The following B4GALT7 variants were observed in gnomAD, a reference collection of about 807,000 sequenced individuals.
B4GALT7 encodes the protein UDP-Gal:beta-GlcNAc beta-1,4-galactosyltransferase 7.
In B4GALT7, 30 loss-of-function variants were observed where a neutral mutation model predicts 33.0. That is an observed-to-expected ratio of 0.91 (90% CI 0.68 to 1.23). The LOEUF (loss-of-function observed/expected upper bound fraction) is 1.23, where lower values mean the gene tolerates loss of function less well. Ranked by LOEUF, B4GALT7 falls within the 50% of genes most tolerant of loss-of-function variation. The pLI is 0.00. For missense variants in B4GALT7, 507 were observed against 450.8 expected (o/e 1.12, Z -1.13); for synonymous variants, 213 against 187.2 (o/e 1.14, Z -1.13).
chr5:177,601,151 T>C (rs903336765), intron 1 of B4GALT7, among the ~76,000 whole-genome samples: 2 of 152,122 alleles, frequency 1.3e-5, no homozygotes, highest in African/African-American at 4.8e-5. Context: ...CCACAACTTG[T>C]ACTTTTGGGG....
At chr5:177,603,974 G>A (rs1393603331) in intron 1 of B4GALT7, 9 of 693,990 alleles carry the variant, frequency 1.3e-5, no homozygotes, top group Admixed American at 2.6e-5. Context: ...AGAGCGGGTG[G>A]CATGGGTTGG....
Position 177,606,796 on chromosome 5 carries a change from G to T in B4GALT7, c.414-506G>T. ...CCCTCGCCCTGCCCAGCTGCCCGTT[G>T]GTCTGCTCCTGCCTCCTGCCGTGGC... On this transcript the variant is annotated intron_variant, in intron 2 of 5. Coordinates refer to ENST00000029410, the MANE Select transcript of B4GALT7 (RefSeq NM_007255.3). This position sits in a 1 kb window ranked among gnomAD's most constrained non-coding sequence, Gnocchi z 4.2. 2 of 230,410 alleles carry T rather than the reference G, an allele frequency of 8.7e-6. No individual in the cohort carries two copies. The highest frequency in any genetic ancestry group is 1.7e-5 in the Non-Finnish European group (2 of 114,580). The allele number at this position is 230,410 out of a possible 1,614,324, so 14.3% of individuals were successfully genotyped here.
Position 177,608,513 on chromosome 5 carries a change from A to C in B4GALT7, c.640-26A>C. On this transcript the variant is annotated intron_variant, in intron 3 of 5. Coordinates refer to ENST00000029410, the MANE Select transcript of B4GALT7 (RefSeq NM_007255.3). The surrounding 1 kb of genome is among the most constrained non-coding windows in gnomAD (Gnocchi z 4.1). ...CCCCCCCCCCCGGGAAGATGGGCCG[A>C]GTGACGCTGCTTGTCTCTGTGTCAG... 6.6e-7 allele frequency: 1 copy of C among 1,516,704 alleles called. No homozygotes were observed. Among genetic ancestry groups the C allele is most frequent in the Non-Finnish European group, 9.1e-7 (1 of 1,094,994 alleles). 94.0% of individuals were successfully genotyped at this position (1,516,704 alleles called of 1,614,324 possible). A position where few individuals can be genotyped will look rare whatever the true frequency, so the allele number is the denominator to read the frequency against.
chr5:177,607,405 C>T lies in B4GALT7; in HGVS notation c.517C>T (p.Leu173=), dbSNP rs373068387. 4.2e-5 allele frequency: 67 copies of T among 1,614,132 alleles called. No individual in the cohort carries two copies. In the East Asian group the frequency reaches 6.9e-4, roughly 17 times the overall value. ...TGACCTGCTCCCTCTCAACGAGGAG[C>T]TGGACTATGGCTTTCCTGAGGCTGG... ...DVDLLPLNEE[L]DYGFPEAGPF... is the part of the protein sequence containing the mutation. Residue 173 remains leucine (L), a synonymous_variant, in exon 3 of 6, where the codon CTG becomes TTG. Coordinates refer to ENST00000029410, the MANE Select transcript of B4GALT7 (RefSeq NM_007255.3).
In B4GALT7 at chr5:177,600,157, C is replaced by A; in HGVS notation, c.-54C>A. 1 of 1,215,372 alleles carries A rather than the reference C, an allele frequency of 8.2e-7. No individual in the cohort carries two copies. Among genetic ancestry groups the A allele is most frequent in the Non-Finnish European group, 1.0e-6 (1 of 975,064 alleles). The allele number at this position is 1,215,372 out of a possible 1,614,324, so 75.3% of individuals were successfully genotyped here. Reference sequence around the variant, plus strand: ...GGAGGCGCCGCGTAGGCCCGGGAGGCCGGGCCGGCCGGGCTGCGAGCGCCT... The same window carrying A: ...GGAGGCGCCGCGTAGGCCCGGGAGGACGGGCCGGCCGGGCTGCGAGCGCCT... On this transcript the variant is annotated 5_prime_UTR_variant, in exon 1 of 6. Coordinates refer to ENST00000029410, the MANE Select transcript of B4GALT7 (RefSeq NM_007255.3). This position sits in a 1 kb window ranked among gnomAD's most constrained non-coding sequence, Gnocchi z 4.4.
In B4GALT7 at chr5:177,604,406, A is replaced by G. The variant is rs370658610; in HGVS notation, c.278A>G (p.His93Arg). The G allele has an allele frequency of 5.3e-5, 86 of 1,613,420 alleles. No individual in the cohort carries two copies. In the East Asian group the frequency reaches 1.3e-3, roughly 25 times the overall value. ...GAAGAAGACGCATCCTGGGGCCCCCACCGCCTGGCAGTGCTGGTGCCCTTC... is the reference window on the plus strand; with the variant it reads ...GAAGAAGACGCATCCTGGGGCCCCCGCCGCCTGGCAGTGCTGGTGCCCTTC... ...HWEEDASWGP[H>R]RLAVLVPFRE... Residue 93 changes from histidine to arginine, a missense_variant, in exon 2 of 6, where the codon CAC becomes CGC. Transcript: ENST00000029410.
Position 177,609,119 on chromosome 5 carries a change from C to T in B4GALT7, c.828+105C>T, listed in dbSNP as rs1768103928. 3 of 1,061,714 alleles carry T rather than the reference C, an allele frequency of 2.8e-6. No individual in the cohort carries two copies. In the African/African-American group the frequency reaches 4.7e-5, roughly 17 times the overall value. 65.8% of individuals were successfully genotyped at this position (1,061,714 alleles called of 1,614,324 possible). On this transcript the variant is annotated intron_variant, in intron 5 of 5. Transcript: ENST00000029410. ...CTTGGCCCAAATGGTCCCATCCTCC[C>T]CTGCTTGGCCCAGGTCAGTCGACGG...
intron 2 of B4GALT7, chr5:177,605,136 C>G (rs1767953460): frequency 2.4e-6 from 1 of 413,894 alleles, no homozygotes; most frequent in Non-Finnish European, 4.8e-6. Flanking sequence ...AGACCCCCCC[C>G]TTTTCCCTGC....
At chr5:177,601,468 G>A (rs1178205850) in intron 1 of B4GALT7, 1 of 152,246 alleles carries the variant, frequency 6.6e-6, no homozygotes. Context: ...TTCAAACCTC[G>A]TAGTACGAAG....
Position 177,604,416 on chromosome 5 carries a change from A to G in B4GALT7, c.288A>G (p.Ala96=), listed in dbSNP as rs748595740. 13 of 1,613,748 alleles carry G rather than the reference A, an allele frequency of 8.1e-6. No homozygotes were observed. The highest frequency in any genetic ancestry group is 9.3e-6 in the Non-Finnish European group (11 of 1,179,850). The part of the protein sequence containing the change: ...EDASWGPHRL[A]VLVPFRERFE... ...CATCCTGGGGCCCCCACCGCCTGGC[A>G]GTGCTGGTGCCCTTCCGCGAACGCT... The change falls in exon 2 of 6, where the codon GCA becomes GCG. Residue 96 remains alanine (A), a synonymous_variant. Transcript: ENST00000029410.
At chr5:177,607,275 C>T in intron 2 of B4GALT7, 27 bp from the exon 3 acceptor site, 2 of 1,572,828 alleles carry the variant, frequency 1.3e-6, no homozygotes, top group Non-Finnish European at 8.6e-7. Context: ...TGTGCTGCCC[C>T]TGCCCAGCCT....
Position 177,609,602 on chromosome 5 carries a change from C to T in B4GALT7, c.891C>T (p.Arg297=). Residue 297 remains arginine (R), a synonymous_variant, in exon 6 of 6, where the codon CGC becomes CGT. Coordinates refer to ENST00000029410, the MANE Select transcript of B4GALT7 (RefSeq NM_007255.3). ...LNTVKYHVAS[R]TALSVGGAPC... is the part of the protein sequence containing the mutation. ...CTGTGAAGTACCATGTGGCTTCCCG[C>T]ACTGCCCTGTCTGTGGGCGGGGCCC... is the stretch of plus-strand genomic sequence containing the variant. 1 of 1,614,000 alleles carries T rather than the reference C, an allele frequency of 6.2e-7. No homozygotes were observed. Among genetic ancestry groups the T allele is most frequent in the Non-Finnish European group, 8.5e-7 (1 of 1,180,046 alleles).
chr5:177,607,052 T>C (rs1768034922), intron 2 of B4GALT7: 2 of 580,488 alleles, frequency 3.4e-6, no homozygotes, highest in Admixed American at 5.6e-5. Context: ...TTTCCTTCTA[T>C]TGGAATCTCA....
chr5:177,608,735 C>G lies in B4GALT7; in HGVS notation c.723+113C>G. On this transcript the variant is annotated intron_variant, in intron 4 of 5. Coordinates refer to ENST00000029410, the MANE Select transcript of B4GALT7 (RefSeq NM_007255.3). This position sits in a 1 kb window ranked among gnomAD's most constrained non-coding sequence, Gnocchi z 4.1. ...CTGGAGATGGCCCTGATTCTGATCC[C>G]TGCCCTAACCCTGCCCTGCATGGTC... 2.6e-6 allele frequency: 3 copies of G among 1,175,680 alleles called. No homozygotes were observed. The highest frequency in any genetic ancestry group is 2.4e-5 in the East Asian group (1 of 40,860). The allele number at this position is 1,175,680 out of a possible 1,614,324, so 72.8% of individuals were successfully genotyped here.
chr5:177,604,766 A>C (rs1000493198), intron 2 of B4GALT7, among the ~76,000 whole-genome samples: 1 of 152,138 alleles, frequency 6.6e-6, no homozygotes, highest in African/African-American at 2.4e-5. Flanking sequence ...CAAGAGGAGA[A>C]GCAGGGAGAG....
intron 2 of B4GALT7, chr5:177,604,899 T>G: frequency 2.2e-6 from 1 of 455,082 alleles, no homozygotes. Context: ...GCCCGGGGAT[T>G]AGGGAAAGGG....
rs755103584 is a variant in B4GALT7 at position 177,607,378 on chromosome 5, G to A, written c.490G>A (p.Val164Ile). 3.1e-6 allele frequency: 5 copies of A among 1,614,126 alleles called. No homozygotes were observed. Among genetic ancestry groups the A allele is most frequent in the Admixed American group, 1.7e-5 (1 of 60,034 alleles). ...NSTDYIAMHD[V>I]DLLPLNEELD... Reference sequence around the variant, plus strand: ...CACGGACTACATTGCCATGCACGACGTTGACCTGCTCCCTCTCAACGAGGA... The same window carrying A: ...CACGGACTACATTGCCATGCACGACATTGACCTGCTCCCTCTCAACGAGGA... Residue 164 changes from valine (V) to isoleucine (I), a missense_variant, in exon 3 of 6, where the codon GTT becomes ATT. Coordinates refer to ENST00000029410, the MANE Select transcript of B4GALT7 (RefSeq NM_007255.3).
In B4GALT7 at chr5:177,604,316, G is replaced by C. The variant is rs773416080; in HGVS notation, c.188G>C (p.Gly63Ala). Residue 63 changes from glycine to alanine, a missense_variant, in exon 2 of 6, where the codon GGA (glycine) becomes GCA (alanine). Gly to Ala is a moderately conservative substitution (Grantham distance 60). Transcript: ENST00000029410. Reference sequence around the variant, plus strand: ...GGGGACGTGGCCCGGGCAGTCAGGGGACAAGGGCAGGAGACCTCGGGCCCT... The same window carrying C: ...GGGGACGTGGCCCGGGCAGTCAGGGCACAAGGGCAGGAGACCTCGGGCCCT... ...CSGDVARAVR[G>A]QGQETSGPPR... 3.1e-6 allele frequency: 5 copies of C among 1,610,842 alleles called. No homozygotes were observed. The highest frequency in any genetic ancestry group is 2.2e-5 in the South Asian group (2 of 90,766).
chr5:177,605,303 G>A (rs1581993606), intron 2 of B4GALT7: 3 of 315,676 alleles, frequency 9.5e-6, no homozygotes, highest in East Asian at 2.1e-4. Flanking sequence ...CTGTGCCTGG[G>A]CACTGGAGGG....
Sources: allele counts gnomAD v4.1 joint callset (sites outside exome capture counted in the v4.1 genomes callset), GRCh38; gene constraint gnomAD v4.1.1; non-coding constraint Gnocchi (gnomAD v3.1); transcripts MANE v1.5; gene names NCBI Gene and HGNC (gene_info 2026-07-23, HGNC 2026-07-21).